MYCBP2: variants seen among roughly 807,000 people sequenced by gnomAD.
The protein encoded by MYCBP2 is E3 ubiquitin-protein ligase MYCBP2.
MYCBP2 carries 120 observed loss-of-function variants against 525.3 expected under a neutral mutation model. The observed-to-expected ratio is 0.23, with a 90% confidence interval of 0.20 to 0.27. The LOEUF (loss-of-function observed/expected upper bound fraction) is 0.27, where lower values mean the gene tolerates loss of function less well. Among genes scored for constraint, MYCBP2 ranks in the 10% least tolerant of loss-of-function variants. The pLI, the probability that MYCBP2 is intolerant of heterozygous loss-of-function variation, is 1.00. For synonymous variants in MYCBP2, 1,894 were observed against 1,955.8 expected (o/e 0.97, Z 0.83); for missense variants, 4,149 against 5,657.1 (o/e 0.73, Z 8.55).
intron 72 of MYCBP2, among the ~76,000 whole-genome samples, chr13:77,065,536 C>T (rs1416689957): frequency 6.6e-6 from 1 of 152,182 alleles, no homozygotes; most frequent in Non-Finnish European, 1.5e-5. Context: ...AAGTAACTCC[C>T]TGTCCTCCAC....
At chr13:77,294,414 A>G (rs573404777) in intron 2 of MYCBP2, among the ~76,000 whole-genome samples, 1 of 152,088 alleles carries the variant, frequency 6.6e-6, no homozygotes, top group East Asian at 1.9e-4. Flanking sequence ...GAATGAACTT[A>G]CTTACATCAC....
At chr13:77,276,645 G>A (rs2075618304) in intron 4 of MYCBP2, among the ~76,000 whole-genome samples, 1 of 151,778 alleles carries the variant, frequency 6.6e-6, no homozygotes, top group Non-Finnish European at 1.5e-5. Flanking sequence ...ATATTTTTGG[G>A]TTTTGTGGGA....
At chr13:77,168,349 G>A (rs766087195) in intron 40 of MYCBP2, 79 bp downstream of exon 40, 100 of 1,188,286 alleles carry the variant, frequency 8.4e-5, no homozygotes, top group Non-Finnish European at 1.1e-4. Context: ...GTAAATACAG[G>A]CCAGGCATTC....
At chr13:77,193,897 A>C (rs2154260965) in intron 27 of MYCBP2, among the ~76,000 whole-genome samples, 1 of 152,260 alleles carries the variant, frequency 6.6e-6, no homozygotes, top group East Asian at 1.9e-4. Context: ...AAGGTGTATA[A>C]AATATATGCA....
At chr13:77,266,906 T>C (rs1056648759) in intron 8 of MYCBP2, among the ~76,000 whole-genome samples, 1 of 152,010 alleles carries the variant, frequency 6.6e-6, no homozygotes, top group Non-Finnish European at 1.5e-5. Context: ...TACACTAATA[T>C]GTATCTATGT....
intron 8 of MYCBP2, among the ~76,000 whole-genome samples, chr13:77,264,888 T>C (rs1282229796): frequency 3.3e-5 from 5 of 150,458 alleles, no homozygotes; most frequent in East Asian, 2.0e-4. Flanking sequence ...CACACACACA[T>C]ACTTCCCAAA....
intron 16 of MYCBP2, among the ~76,000 whole-genome samples, chr13:77,243,546 G>A (rs1269268953): frequency 6.6e-6 from 1 of 151,466 alleles, no homozygotes. Context: ...CTAGAAGGCG[G>A]AGGTTGCAGT....
In MYCBP2 at chr13:77,156,149, T is replaced by C. The variant is rs776970975; in HGVS notation, c.6824A>G (p.Asn2275Ser). 14 of 1,614,032 alleles carry C rather than the reference T, an allele frequency of 8.7e-6. No individual in the cohort carries two copies. Among genetic ancestry groups the C allele is most frequent in the Non-Finnish European group, 1.2e-5 (14 of 1,179,910 alleles). Residue 2275 changes from asparagine to serine, a missense_variant, in exon 46 of 83, where the codon AAT (asparagine) becomes AGT (serine). Around this residue, in one of 21 missense-constraint regions of MYCBP2, gnomAD observed 692 missense variants for 852.7 expected, o/e 0.81. Transcript: ENST00000544440. ...ADPQKTSLILNKDDIRCGWPT... is the reference protein window; with the variant it reads ...ADPQKTSLILSKDDIRCGWPT... Reference sequence around the variant, plus strand: ...CCAACCACAACGAATATCATCCTTATTCAGGATCAAAGATGTTTTCTGAGG... The same window carrying C: ...CCAACCACAACGAATATCATCCTTACTCAGGATCAAAGATGTTTTCTGAGG...
intron 39 of MYCBP2, among the ~76,000 whole-genome samples, chr13:77,169,014 A>G (rs1347729015): frequency 6.6e-6 from 1 of 152,234 alleles, no homozygotes; most frequent in Non-Finnish European, 1.5e-5. Context: ...ATTTGGCATC[A>G]ACCTCATAAA....
At chr13:77,198,565 A>C (rs2062017605) in intron 26 of MYCBP2, among the ~76,000 whole-genome samples, 1 of 152,236 alleles carries the variant, frequency 6.6e-6, no homozygotes, top group Non-Finnish European at 1.5e-5. Flanking sequence ...TCACTTTTAG[A>C]GCAAAATCAG....
At chr13:77,322,831 C>A (rs1383111974) in intron 1 of MYCBP2, among the ~76,000 whole-genome samples, 1 of 152,208 alleles carries the variant, frequency 6.6e-6, no homozygotes, top group Non-Finnish European at 1.5e-5. Flanking sequence ...TTCCTTCATA[C>A]ATTTCCTGTC....
rs539735913 is a variant in MYCBP2, at chr13:77,249,752, C to A, written c.2381+1399G>T. Among the ~76,000 whole-genome samples, 3 of 151,942 alleles carry A rather than the reference C, an allele frequency of 2.0e-5. No homozygotes were observed. The East Asian group carries it at 5.8e-4, about 29-fold the overall frequency. ...AGATCCAGGAGAATAAATTTCAATTCCAACATTGTTAAAAAATAATCAGAG... is the reference window on the plus strand; with the variant it reads ...AGATCCAGGAGAATAAATTTCAATTACAACATTGTTAAAAAATAATCAGAG... On this transcript the variant is annotated intron_variant, in intron 15 of 82. Coordinates refer to ENST00000544440, the MANE Select transcript of MYCBP2 (RefSeq NM_015057.5).
intron 20 of MYCBP2, among the ~76,000 whole-genome samples, chr13:77,220,972 G>A (rs1368715294): frequency 6.6e-6 from 1 of 152,142 alleles, no homozygotes. Context: ...AACATTCCAT[G>A]CTGGAAAAGA....
chr13:77,202,622 G>A (rs1394808392), intron 26 of MYCBP2, among the ~76,000 whole-genome samples: 1 of 151,856 alleles, frequency 6.6e-6, no homozygotes, highest in Non-Finnish European at 1.5e-5. Flanking sequence ...TATCCTTGAT[G>A]AACATTGATG....
Position 77,211,216 on chromosome 13 carries a change from G to A in MYCBP2, c.3367C>T (p.Leu1123=). Residue 1123 remains leucine, a synonymous_variant, in exon 23 of 83, where the codon CTG becomes TTG. Transcript: ENST00000544440. ...TCAAGACACACACCAAATCCTTGCA[G>A]ATCCTCTTGTTCTGAGTCATTAAAA... ...KTFNDSEQED[L]QGFGVCLDPV... is the part of the protein sequence containing the mutation. 4 of 1,537,462 alleles carry A rather than the reference G, an allele frequency of 2.6e-6. No homozygotes were observed. The highest frequency in any genetic ancestry group is 3.5e-6 in the Non-Finnish European group (4 of 1,139,172).
intron 52 of MYCBP2, among the ~76,000 whole-genome samples, chr13:77,135,523 C>T (rs1311372016): frequency 6.6e-6 from 1 of 152,190 alleles, no homozygotes; most frequent in South Asian, 2.1e-4. Context: ...CTAGTCCCTA[C>T]AGAAAATCAT....
chr13:77,316,364 A>G (rs1236337351), intron 1 of MYCBP2, among the ~76,000 whole-genome samples: 2 of 152,246 alleles, frequency 1.3e-5, no homozygotes, highest in Non-Finnish European at 2.9e-5. Context: ...GGCTGCCCCC[A>G]AGAATGATCC....
chr13:77,263,238 A>G (rs2154339347), intron 10 of MYCBP2, among the ~76,000 whole-genome samples: 1 of 152,152 alleles, frequency 6.6e-6, no homozygotes, highest in East Asian at 1.9e-4. Flanking sequence ...TCAAGTAAAA[A>G]CTTTAAAAAT....
At chr13:77,052,778 A>C (rs2154057408) in intron 80 of MYCBP2, among the ~76,000 whole-genome samples, 1 of 152,334 alleles carries the variant, frequency 6.6e-6, no homozygotes, top group South Asian at 2.1e-4. Flanking sequence ...TATAATTCCA[A>C]GGCTAATGGG....
Sources: allele counts gnomAD v4.1 joint callset (sites outside exome capture counted in the v4.1 genomes callset), GRCh38; gene constraint gnomAD v4.1.1; regional missense constraint gnomAD v4.1.1; transcripts MANE v1.5; gene names NCBI Gene and HGNC (gene_info 2026-07-23, HGNC 2026-07-21).